The following FRMPD1 variants were observed in gnomAD, a reference collection of about 807,000 sequenced individuals.
FRMPD1 encodes the protein FERM and PDZ domain-containing protein 1.
In FRMPD1, 76 loss-of-function variants were observed where a neutral mutation model predicts 117.8. That is an observed-to-expected ratio of 0.65 (90% CI 0.54 to 0.78). FRMPD1 has a LOEUF of 0.78. Among genes scored for constraint, FRMPD1 ranks in the 30% least tolerant of loss-of-function variants. The pLI is 0.00. For synonymous variants in FRMPD1, 783 were observed against 770.4 expected, an observed-to-expected ratio of 1.02 and a Z score of -0.27; for missense variants, 1,786 against 1,964.5, an observed-to-expected ratio of 0.91 and a Z score of 1.72.
chr9:37,685,559 G>A (rs1003926267), intron 1 of FRMPD1, among the ~76,000 whole-genome samples: 3 of 152,144 alleles, frequency 2.0e-5, no homozygotes, highest in Admixed American at 6.5e-5. Flanking sequence ...GGCTGAGGCA[G>A]GAGAATGGCG....
At position 37,733,770 on chromosome 9, in the gene FRMPD1, A is replaced by G; in HGVS notation, c.1163A>G (p.Gln388Arg). 1.2e-6 allele frequency: 2 copies of G among 1,608,050 alleles called. No individual in the cohort carries two copies. Among genetic ancestry groups the G allele is most frequent in the Middle Eastern group, 1.7e-4 (1 of 6,048 alleles). ...SAAQLRLNYL[Q>R]ILGELKTYGG... ...GCCCAGCTACGTTTAAATTATCTAC[A>G]GATCCTCGGAGAACTCAAGACATAT... is the stretch of plus-strand genomic sequence containing the variant. Residue 388 changes from glutamine to arginine, a missense_variant, in exon 12 of 16, where the codon CAG becomes CGG. Transcript: ENST00000377765.
At position 37,737,291 on chromosome 9, in the gene FRMPD1, C is replaced by T. The variant is rs778812065; in HGVS notation, c.1549+48C>T. 10 of 1,583,548 alleles carry T rather than the reference C, an allele frequency of 6.3e-6. No homozygotes were observed. The South Asian group carries it at 1.1e-4, about 18-fold the overall frequency. On this transcript the variant is annotated intron_variant, in intron 14 of 15. Transcript: ENST00000377765. ...AATAAGGACAGGCCCCTTTCACTGG[C>T]CTTGTAGGTAAGGGCAGCCTAAAGG...
chr9:37,744,879 C>T lies in FRMPD1; in HGVS notation c.2847C>T (p.Asp949=). The stretch of plus-strand genomic sequence containing the variant: ...TTTCTGCCATTCGCTTCCGGATTGA[C>T]CCCAACAATAAAGAGAATTCTGGTG... The part of the protein sequence containing the change: ...SSISAIRFRI[D]PNNKENSGVV... The change falls in exon 16 of 16, where the codon GAC becomes GAT. Residue 949 remains aspartate (D), a synonymous_variant. Coordinates refer to ENST00000377765, the MANE Select transcript of FRMPD1 (RefSeq NM_014907.3). 4 of 1,614,154 alleles carry T rather than the reference C, an allele frequency of 2.5e-6. No individual in the cohort carries two copies. Among genetic ancestry groups the T allele is most frequent in the East Asian group, 2.2e-5 (1 of 44,884 alleles).
intron 1 of FRMPD1, among the ~76,000 whole-genome samples, chr9:37,655,496 C>CTT (rs10615941): frequency 0.061 from 5,355 of 88,262 alleles, 218 homozygotes; most frequent in East Asian, 0.21. Flanking sequence ...TGTCCCCACT[C>CTT]TTTTTTTTTT....
At chr9:37,660,669 T>C (rs983973208) in intron 1 of FRMPD1, among the ~76,000 whole-genome samples, 1 of 152,208 alleles carries the variant, frequency 6.6e-6, no homozygotes, top group African/African-American at 2.4e-5. Flanking sequence ...CAAAATATGA[T>C]GCTTTATCTG....
At chr9:37,731,951 G>A (rs1823902734) in intron 9 of FRMPD1, among the ~76,000 whole-genome samples, 1 of 152,112 alleles carries the variant, frequency 6.6e-6, no homozygotes, top group Admixed American at 6.6e-5. Context: ...AGACTAGGTG[G>A]ATTGGACTGC....
At chr9:37,637,079 G>T in the FRMPD1 span, 1 of 1,560,738 alleles carries the variant, frequency 6.4e-7, no homozygotes, top group Non-Finnish European at 8.8e-7. Context: ...GGAAGTGATG[G>T]TCCAGAACCG....
At chr9:37,689,552 T>C (rs1308239831) in intron 1 of FRMPD1, among the ~76,000 whole-genome samples, 1 of 152,180 alleles carries the variant, frequency 6.6e-6, no homozygotes, top group East Asian at 1.9e-4. Context: ...CTAGGTCTTT[T>C]ATACAGGTGT....
chr9:37,680,608 G>A (rs541134776), intron 1 of FRMPD1, among the ~76,000 whole-genome samples: 22 of 152,240 alleles, frequency 1.4e-4, no homozygotes, highest in African/African-American at 4.6e-4. Flanking sequence ...GGTGATGGGG[G>A]TCCAGGGTGC....
the FRMPD1 span, among the ~76,000 whole-genome samples, chr9:37,632,687 TG>T: frequency 6.6e-6 from 1 of 152,130 alleles, no homozygotes; most frequent in African/African-American, 2.4e-5. Context: ...TGGCCCAGCC[TG>T]GGTCACATGC....
intron 1 of FRMPD1, among the ~76,000 whole-genome samples, chr9:37,691,770 G>A (rs959621638): frequency 6.6e-6 from 1 of 152,200 alleles, no homozygotes; most frequent in African/African-American, 2.4e-5. Context: ...CAGGTGCAGA[G>A]GCATGTGCCT....
intron 1 of FRMPD1, among the ~76,000 whole-genome samples, chr9:37,683,096 A>AC (rs1821786716): frequency 6.6e-6 from 1 of 152,178 alleles, no homozygotes; most frequent in Admixed American, 6.5e-5. Context: ...CTATACATTT[A>AC]CCCGTTCTGG....
At chr9:37,722,264 GTGCCACTGC>G (rs1368679765) in intron 6 of FRMPD1, among the ~76,000 whole-genome samples, 2 of 151,648 alleles carry the variant, frequency 1.3e-5, no homozygotes, top group African/African-American at 4.9e-5. Context: ...AACCGAGACT[GTGCCACTGC>G]ACTCCAGCCT....
chr9:37,630,596 G>A, the FRMPD1 span, among the ~76,000 whole-genome samples: 1 of 152,100 alleles, frequency 6.6e-6, no homozygotes, highest in African/African-American at 2.4e-5. Flanking sequence ...GATCAGGCTT[G>A]TCTTCAACTC....
chr9:37,716,234 G>A (rs1192930665), intron 5 of FRMPD1, among the ~76,000 whole-genome samples: 2 of 152,184 alleles, frequency 1.3e-5, no homozygotes, highest in Admixed American at 6.5e-5. Context: ...TACTGAGCTG[G>A]TTTTCCAAGG....
chr9:37,652,253 A>G (rs1023549246), intron 1 of FRMPD1, among the ~76,000 whole-genome samples: 3 of 152,190 alleles, frequency 2.0e-5, no homozygotes, highest in Admixed American at 2.0e-4. Flanking sequence ...GATGATTTCC[A>G]ATCAAGACAA....
At chr9:37,696,225 C>T (rs1822319283) in intron 2 of FRMPD1, among the ~76,000 whole-genome samples, 1 of 152,012 alleles carries the variant, frequency 6.6e-6, no homozygotes, top group Admixed American at 6.6e-5. Flanking sequence ...AGAGGCCTTT[C>T]CTGACCACCC....
At chr9:37,651,241 C>A (rs76846053) in intron 1 of FRMPD1, 147 bp downstream of exon 1, 4,306 of 152,850 alleles carry the variant, frequency 0.028, 108 homozygotes, top group Non-Finnish European at 0.038. Flanking sequence ...CTCGTGTCCC[C>A]AAGCCCGGCT....
At chr9:37,733,059 G>A (rs1823961358) in intron 10 of FRMPD1, among the ~76,000 whole-genome samples, 1 of 152,182 alleles carries the variant, frequency 6.6e-6, no homozygotes, top group African/African-American at 2.4e-5. Context: ...TTTTCTGGGG[G>A]ATTTTGAAGC....
Sources: gnomAD v4.1 joint callset for allele counts (sites outside exome capture counted in the v4.1 genomes callset) on GRCh38, gnomAD v4.1.1 for gene constraint, MANE v1.5 for transcripts, NCBI Gene and HGNC (gene_info 2026-07-23, HGNC 2026-07-21) for gene names.